Variants in RFX3 observed in about 807,000 individuals in gnomAD.
The protein encoded by RFX3 is transcription factor RFX3.
Under a neutral mutation model 98.6 loss-of-function variants are expected in RFX3, and 14 were observed. The ratio of observed to expected loss-of-function variants is 0.14; its 90% CI spans 0.09 to 0.22. The LOEUF is 0.22. RFX3 is among the 10% of genes least tolerant of loss of function. The probability of loss-of-function intolerance (pLI) is 1.00; values close to 1 mark genes in which losing one functional copy is unlikely to be tolerated. For missense variants in RFX3, 639 were observed against 926.9 expected, an observed-to-expected ratio of 0.69 and a Z score of 4.03; for synonymous variants, 383 against 328.4, an observed-to-expected ratio of 1.17 and a Z score of -1.80.
chr9:3,408,218 C>G (rs914321166), intron 1 of RFX3, among the ~76,000 whole-genome samples: 1 of 152,114 alleles, frequency 6.6e-6, no homozygotes, highest in Non-Finnish European at 1.5e-5. Flanking sequence ...TTTAACTCTC[C>G]TTCCTAATGG....
At chr9:3,235,575 G>A (rs980268064) in intron 15 of RFX3, among the ~76,000 whole-genome samples, 2 of 152,126 alleles carry the variant, frequency 1.3e-5, no homozygotes, top group Non-Finnish European at 2.9e-5. Flanking sequence ...TCAAGGTGTT[G>A]GCAGAGTTGT....
intron 7 of RFX3, among the ~76,000 whole-genome samples, chr9:3,286,676 A>G (rs1425339688): frequency 6.6e-6 from 1 of 152,060 alleles, no homozygotes; most frequent in East Asian, 1.9e-4. Context: ...TATGTTCTGC[A>G]CAAAGAACAA....
At chr9:3,369,892 C>T (rs190300329) in intron 2 of RFX3, among the ~76,000 whole-genome samples, 9 of 152,138 alleles carry the variant, frequency 5.9e-5, no homozygotes, top group Non-Finnish European at 1.2e-4. Context: ...TGCGGTGGCG[C>T]CATCTCCGCT....
intron 2 of RFX3, among the ~76,000 whole-genome samples, chr9:3,350,603 A>T (rs1443233201): frequency 6.6e-6 from 1 of 152,140 alleles, no homozygotes; most frequent in East Asian, 1.9e-4. Context: ...ATACACAAAA[A>T]CAGGCAAACA....
chr9:3,378,792 G>C (rs1450559213), intron 2 of RFX3, among the ~76,000 whole-genome samples: 1 of 151,974 alleles, frequency 6.6e-6, no homozygotes, highest in African/African-American at 2.4e-5. Context: ...CTGACCTCAG[G>C]TGGTCCGTCT....
intron 1 of RFX3, among the ~76,000 whole-genome samples, chr9:3,438,801 C>A (rs910827951): frequency 1.3e-5 from 2 of 151,916 alleles, no homozygotes; most frequent in African/African-American, 4.8e-5. Flanking sequence ...AGAATAATTT[C>A]ATAATGATAA....
intron 1 of RFX3, among the ~76,000 whole-genome samples, chr9:3,416,402 T>C (rs1457823570): frequency 2.0e-5 from 3 of 152,198 alleles, no homozygotes; most frequent in African/African-American, 7.2e-5. Context: ...CATTATGCTA[T>C]GTTGGGCCTG....
intron 15 of RFX3, among the ~76,000 whole-genome samples, chr9:3,236,005 T>G (rs1267656196): frequency 6.6e-6 from 1 of 152,166 alleles, no homozygotes; most frequent in Non-Finnish European, 1.5e-5. Context: ...TGAAACCATA[T>G]GACTTTTTTT....
At chr9:3,438,767 A>G (rs1845377440) in intron 1 of RFX3, among the ~76,000 whole-genome samples, 1 of 152,076 alleles carries the variant, frequency 6.6e-6, no homozygotes. Context: ...TGATTTCAGA[A>G]CAGAACTATT....
intron 3 of RFX3, among the ~76,000 whole-genome samples, chr9:3,343,462 G>C (rs1055357081): frequency 2.6e-5 from 4 of 152,134 alleles, no homozygotes; most frequent in Non-Finnish European, 5.9e-5. Flanking sequence ...GTACATGGAA[G>C]TGTGCCAAAT....
At chr9:3,322,050 T>G (rs1190511774) in intron 4 of RFX3, among the ~76,000 whole-genome samples, 1 of 152,064 alleles carries the variant, frequency 6.6e-6, no homozygotes, top group African/African-American at 2.4e-5. Context: ...TAATATCTGA[T>G]AGGTTGTTTC....
At chr9:3,265,588 C>G (rs1823522614) in intron 12 of RFX3, among the ~76,000 whole-genome samples, 1 of 152,134 alleles carries the variant, frequency 6.6e-6, no homozygotes, top group Non-Finnish European at 1.5e-5. Flanking sequence ...GATATGTTCA[C>G]AGATTAACTG....
At chr9:3,500,173 T>C (rs948363562) in intron 1 of RFX3, among the ~76,000 whole-genome samples, 3 of 151,704 alleles carry the variant, frequency 2.0e-5, no homozygotes, top group African/African-American at 7.3e-5. Flanking sequence ...CACTGAGAGG[T>C]GTAAAGGCAA....
intron 5 of RFX3, among the ~76,000 whole-genome samples, chr9:3,300,864 A>G (rs898850419): frequency 6.6e-6 from 1 of 151,910 alleles, no homozygotes; most frequent in African/African-American, 2.4e-5. Flanking sequence ...CAAAACTATC[A>G]TCACCCTTCT....
chr9:3,274,209 C>A (rs1166149808), intron 9 of RFX3, among the ~76,000 whole-genome samples: 1 of 152,132 alleles, frequency 6.6e-6, no homozygotes, highest in Admixed American at 6.5e-5. Context: ...CCTTGACAAG[C>A]ACTCAGATTT....
chr9:3,460,507 C>G (rs935742506), intron 1 of RFX3, among the ~76,000 whole-genome samples: 3 of 151,962 alleles, frequency 2.0e-5, no homozygotes, highest in Non-Finnish European at 4.4e-5. Flanking sequence ...TTATACTCAT[C>G]AAATAAGATA....
At chr9:3,423,192 T>G (rs140428177) in intron 1 of RFX3, among the ~76,000 whole-genome samples, 2 of 152,148 alleles carry the variant, frequency 1.3e-5, no homozygotes, top group African/African-American at 4.8e-5. Context: ...AAGGAAGGAA[T>G]GTTTTCAAAC....
chr9:3,477,215 AC>A (rs1234804856), intron 1 of RFX3, among the ~76,000 whole-genome samples: 1 of 152,210 alleles, frequency 6.6e-6, no homozygotes, highest in Non-Finnish European at 1.5e-5. Context: ...CCTATCCCTA[AC>A]AAAAACTTCA....
intron 1 of RFX3, among the ~76,000 whole-genome samples, chr9:3,462,732 C>T (rs1005700738): frequency 2.6e-5 from 4 of 151,926 alleles, no homozygotes; most frequent in Admixed American, 2.6e-4. Context: ...AAAAGTGTAC[C>T]ATACTTCAAT....
Sources: allele counts gnomAD v4.1 joint callset (sites outside exome capture counted in the v4.1 genomes callset), GRCh38; gene constraint gnomAD v4.1.1; transcripts MANE v1.5; gene names NCBI Gene and HGNC (gene_info 2026-07-23, HGNC 2026-07-21).